Variants in FAM228B observed in about 807,000 individuals in gnomAD.
FAM228B encodes protein FAM228B.
FAM228B carries 38 observed loss-of-function variants against 42.6 expected under a neutral mutation model. The ratio of observed to expected loss-of-function variants is 0.89; its 90% confidence interval spans 0.69 to 1.17. The LOEUF (loss-of-function observed/expected upper bound fraction) is 1.17. FAM228B is among the 50% of genes most tolerant of loss of function. The probability of loss-of-function intolerance (pLI) is 0.00; values close to 1 mark genes in which losing one functional copy is unlikely to be tolerated. For synonymous variants in FAM228B, 109 were observed against 122.3 expected (o/e 0.89, Z 0.72); for missense variants, 344 against 367.3 (o/e 0.94, Z 0.52).
intron 7 of FAM228B, among the ~76,000 whole-genome samples, chr2:24,158,335 C>A (rs908629048): frequency 1.3e-5 from 2 of 151,650 alleles, no homozygotes; most frequent in Non-Finnish European, 2.9e-5. Flanking sequence ...TTTTGTCCCA[C>A]GATGTACTTT....
chr2:24,077,518 T>A lies in FAM228B; in HGVS notation c.-290+549T>A, dbSNP rs1664802438. The A allele has an allele frequency of 6.6e-7, 1 of 1,525,580 alleles. No homozygotes were observed. Among genetic ancestry groups the A allele is most frequent in the African/African-American group, 1.4e-5 (1 of 71,756 alleles). 94.5% of individuals were successfully genotyped at this position (1,525,580 alleles called of 1,614,324 possible). ...TTTCTTGGCCTGTCTATTGTGAATC[T>A]TCTCCAGGTTTGCTCTGGAAAGGCC... On this transcript the variant is annotated intron_variant, in intron 1 of 10. Transcript: ENST00000613899. The surrounding 1 kb of genome is among the most constrained non-coding windows in gnomAD (Gnocchi z 5.5).
chr2:24,125,472 A>G (rs1666286108), intron 2 of FAM228B, among the ~76,000 whole-genome samples: 1 of 152,130 alleles, frequency 6.6e-6, no homozygotes, highest in African/African-American at 2.4e-5. Flanking sequence ...CAGTACTCCC[A>G]AAGCTTCCTT....
In FAM228B at chr2:24,133,819, G is replaced by T. The variant is rs975442624; in HGVS notation, c.100-1300G>T. 5.3e-5 allele frequency among the ~76,000 whole-genome samples: 8 copies of T among 152,302 alleles called. No homozygotes were observed. The East Asian group carries it at 1.5e-3, about 29-fold the overall frequency. On this transcript the variant is annotated intron_variant, in intron 2 of 10. Transcript: ENST00000615575. Reference sequence around the variant, plus strand: ...CCTAGCACTTTGGGAGGCTGAGGTAGAAGCATTGCTTGAGCTCAGGAGTTT... The same window carrying T: ...CCTAGCACTTTGGGAGGCTGAGGTATAAGCATTGCTTGAGCTCAGGAGTTT...
In FAM228B at chr2:24,077,709, G is replaced by A; in HGVS notation, c.-290+740G>A. 2 of 1,614,062 alleles carry A rather than the reference G, an allele frequency of 1.2e-6. No individual in the cohort carries two copies. The highest frequency in any genetic ancestry group is 1.1e-5 in the South Asian group (1 of 91,074). On this transcript the variant is annotated intron_variant, in intron 1 of 10. Transcript: ENST00000613899. This position sits in a 1 kb window ranked among gnomAD's most constrained non-coding sequence, Gnocchi z 5.5. ...CAGCAGACGTTGGGGGCCCTCCGTG[G>A]AGAAGTGAGGCAGAATTTGCTCCGT...
intron 5 of FAM228B, among the ~76,000 whole-genome samples, chr2:24,145,097 T>C (rs746038999): frequency 3.3e-5 from 5 of 151,604 alleles, no homozygotes; most frequent in Non-Finnish European, 7.4e-5. Context: ...TGCCCAGGGG[T>C]TCAAGAACCT....
intron 7 of FAM228B, 67 bp downstream of exon 7, chr2:24,147,153 C>T (rs1558390344): frequency 1.9e-6 from 2 of 1,074,314 alleles, no homozygotes; most frequent in East Asian, 2.7e-5. Context: ...ACTGATATAA[C>T]ATTTTTCATA....
chr2:24,137,987 T>C lies in FAM228B; in HGVS notation c.247T>C (p.Cys83Arg). The C allele has an allele frequency of 6.5e-7, 1 of 1,548,514 alleles. No individual in the cohort carries two copies. The highest frequency in any genetic ancestry group is 1.2e-5 in the South Asian group (1 of 82,882). ...KEMLYKRWVDCVADPLQKKII... is the reference protein window; with the variant it reads ...KEMLYKRWVDRVADPLQKKII... ...GATGTTATATAAAAGATGGGTTGAC[T>C]GTGTGGCAGATCCTCTTCAGAAGAA... Residue 83 changes from cysteine to arginine, a missense_variant, in exon 4 of 11, where the codon TGT becomes CGT. Coordinates refer to ENST00000615575, the MANE Select transcript of FAM228B (RefSeq NM_001145710.2).
At chr2:24,162,556 G>A (rs938582318) in intron 8 of FAM228B, among the ~76,000 whole-genome samples, 1 of 152,100 alleles carries the variant, frequency 6.6e-6, no homozygotes, top group Admixed American at 6.6e-5. Context: ...ATGTGACCCA[G>A]AAATTCCGCT....
chr2:24,088,577 T>C (rs1665313755), intron 2 of FAM228B, among the ~76,000 whole-genome samples: 1 of 151,778 alleles, frequency 6.6e-6, no homozygotes, highest in Non-Finnish European at 1.5e-5. Context: ...TCTTGAACTT[T>C]TGGGCTCAAG....
In FAM228B at chr2:24,147,067, G is replaced by T; in HGVS notation, c.667G>T (p.Glu223Ter). 7 of 1,550,356 alleles carry T rather than the reference G, an allele frequency of 4.5e-6. No individual in the cohort carries two copies. Among genetic ancestry groups the T allele is most frequent in the South Asian group, 1.2e-5 (1 of 83,866 alleles). The change falls in exon 7 of 11, where the codon GAA becomes TAA. Residue 223 changes from glutamate (E) to a stop codon, truncating the protein, a stop_gained. Transcript: ENST00000615575. LOFTEE classifies it high-confidence loss of function. ...ACTGCCTACAAGATACATAGAAAGT[G>T]AATTTTGTAGAAGGAGAAGGTAATG... ...LKLPTRYIES[E>*]FCRRRRLKVK... is the part of the protein sequence containing the mutation.
intron 10 of FAM228B, among the ~76,000 whole-genome samples, chr2:24,168,273 C>T (rs369716260): frequency 3.3e-5 from 5 of 152,062 alleles, no homozygotes; most frequent in Non-Finnish European, 7.4e-5. Flanking sequence ...AGAAGAAGGC[C>T]GAGGGTTAGT....
chr2:24,146,101 C>CT (rs1352732450), intron 5 of FAM228B, among the ~76,000 whole-genome samples: 1 of 152,042 alleles, frequency 6.6e-6, no homozygotes, highest in Non-Finnish European at 1.5e-5. Flanking sequence ...CCGTTTAACT[C>CT]TAATAGTCAT....
rs2151031200 is a variant in FAM228B, at chr2:24,161,615, T to G, written c.794+2T>G. ...AGAAGAAAAAACAGTTATTTACAAG[T>G]AAGTCTGTTCTTCCATAGCTTTGCT... On this transcript the variant is annotated splice_donor_variant, in intron 8 of 10. Transcript: ENST00000615575. LOFTEE classifies it high-confidence loss of function. 1 of 1,488,352 alleles carries G rather than the reference T, an allele frequency of 6.7e-7. No homozygotes were observed. The highest frequency in any genetic ancestry group is 1.2e-5 in the South Asian group (1 of 82,646). The allele number at this position is 1,488,352 out of a possible 1,614,324, so 92.2% of individuals were successfully genotyped here.
At chr2:24,150,987 G>A (rs1573777625) in intron 7 of FAM228B, among the ~76,000 whole-genome samples, 2 of 152,240 alleles carry the variant, frequency 1.3e-5, no homozygotes, top group East Asian at 3.9e-4. Context: ...GACTTGGGAA[G>A]TTCTCTGTTA....
At chr2:24,128,296 C>T (rs1309918337) in intron 2 of FAM228B, among the ~76,000 whole-genome samples, 2 of 151,886 alleles carry the variant, frequency 1.3e-5, no homozygotes, top group African/African-American at 4.8e-5. Flanking sequence ...TCTATGTAGC[C>T]CAGGCTGGTC....
intron 7 of FAM228B, among the ~76,000 whole-genome samples, chr2:24,157,103 G>A (rs1334061069): frequency 1.3e-5 from 2 of 152,132 alleles, no homozygotes; most frequent in African/African-American, 2.4e-5. Flanking sequence ...TCAGGAGCAG[G>A]CTATTTAGTT....
chr2:24,159,974 GTTTCT>G (rs1398844369), intron 7 of FAM228B, among the ~76,000 whole-genome samples: 3 of 149,930 alleles, frequency 2.0e-5, no homozygotes, highest in African/African-American at 7.4e-5. Flanking sequence ...CTGGGTATGG[GTTTCT>G]TTTCTTTTCA....
rs1197300962 is a variant in FAM228B at position 24,137,956 on chromosome 2, A to T, written c.216A>T (p.Arg72Ser). ...ATCATGCCTTCTTAAATGCAAGAAG[A>T]AAGGAGATGTTATATAAAAGATGGG... ...LQHHAFLNAR[R>S]KEMLYKRWVD... is the part of the protein sequence containing the mutation. The change falls in exon 4 of 11, where the codon AGA becomes AGT. Residue 72 changes from arginine to serine, a missense_variant. Transcript: ENST00000615575. The T allele has an allele frequency of 3.9e-6, 6 of 1,542,138 alleles. No homozygotes were observed. In the Admixed American group the frequency reaches 1.0e-4, roughly 27 times the overall value.
At chr2:24,119,777 CCATATGT>C, upstream of FAM228B, 1 of 864,112 alleles carries the variant, frequency 1.2e-6, no homozygotes, top group South Asian at 1.7e-5. Context: ...TTCCTGATTT[CCATATGT>C]TTGGAATATA....
Sources: gnomAD v4.1 joint callset for allele counts (sites outside exome capture counted in the v4.1 genomes callset) on GRCh38, gnomAD v4.1.1 for gene constraint, Gnocchi (gnomAD v3.1) non-coding constraint, MANE v1.5 for transcripts, NCBI Gene and HGNC (gene_info 2026-07-23, HGNC 2026-07-21) for gene names.